The following CDS1 variants were observed in gnomAD, a reference collection of about 807,000 sequenced individuals.
The protein encoded by CDS1 is CDP-diacylglycerol synthase 1, also known as phosphatidate cytidylyltransferase 1.
CDS1 carries 41 observed loss-of-function variants against 62.1 expected under a neutral mutation model. That is an observed-to-expected ratio of 0.66 (90% CI 0.51 to 0.86). The LOEUF (loss-of-function observed/expected upper bound fraction) is 0.86, where lower values mean the gene tolerates loss of function less well. CDS1 is among the 40% of genes least tolerant of loss of function. The pLI is 0.00. For synonymous variants in CDS1, 185 were observed against 192.6 expected (o/e 0.96, Z 0.32); for missense variants, 470 against 550.1 (o/e 0.85, Z 1.46).
intron 2 of CDS1, among the ~76,000 whole-genome samples, chr4:84,604,978 C>T (rs1450388494): frequency 1.3e-5 from 2 of 152,094 alleles, no homozygotes; most frequent in Non-Finnish European, 2.9e-5. Flanking sequence ...CAATCCATTA[C>T]CATTTTATAT....
At chr4:84,600,701 T>A (rs957408795) in intron 1 of CDS1, among the ~76,000 whole-genome samples, 3 of 152,252 alleles carry the variant, frequency 2.0e-5, no homozygotes, top group African/African-American at 7.2e-5. Context: ...ATAAGAACTC[T>A]TGAAAACAGG....
chr4:84,641,258 G>A (rs1390819450), intron 10 of CDS1, among the ~76,000 whole-genome samples: 1 of 152,102 alleles, frequency 6.6e-6, no homozygotes, highest in Non-Finnish European at 1.5e-5. Context: ...GTAGAGACGG[G>A]TGTTGCTATG....
chr4:84,592,060 G>A (rs1722605241), intron 1 of CDS1, among the ~76,000 whole-genome samples: 1 of 150,690 alleles, frequency 6.6e-6, no homozygotes, highest in Admixed American at 6.6e-5. Flanking sequence ...TACTTTATTT[G>A]GTTGAGAAAT....
At chr4:84,616,240 C>T (rs1307079353) in intron 3 of CDS1, among the ~76,000 whole-genome samples, 1 of 152,152 alleles carries the variant, frequency 6.6e-6, no homozygotes, top group Non-Finnish European at 1.5e-5. Context: ...ACTTAGATTT[C>T]CTCCTGTCTT....
At chr4:84,635,501 T>C in intron 8 of CDS1, 150 bp downstream of exon 8, 1 of 666,554 alleles carries the variant, frequency 1.5e-6, no homozygotes, top group Non-Finnish European at 2.6e-6. Flanking sequence ...GCAAACCATA[T>C]TTCTCAGTAC....
chr4:84,591,576 AT>A (rs1722592326), intron 1 of CDS1, among the ~76,000 whole-genome samples: 1 of 152,164 alleles, frequency 6.6e-6, no homozygotes, highest in South Asian at 2.1e-4. Context: ...ATATAAACTA[AT>A]TTTTTAGTGC....
At position 84,583,528 on chromosome 4, in the gene CDS1, G is replaced by T. The variant is rs1343185252; in HGVS notation, c.117+10G>T. The T allele has an allele frequency of 1.8e-5, 27 of 1,471,692 alleles. No homozygotes were observed. Among genetic ancestry groups the T allele is most frequent in the African/African-American group, 2.9e-5 (2 of 68,088 alleles). 91.2% of individuals were successfully genotyped at this position (1,471,692 alleles called of 1,614,324 possible). A position where few individuals can be genotyped will look rare whatever the true frequency, so the allele number is the denominator to read the frequency against. ...GAGCACCAGCGACAAAGTAAGTGGA[G>T]CCGAGAGAGGCGGACGCCGCGCCCT... is the stretch of plus-strand genomic sequence containing the variant. On this transcript the variant is annotated intron_variant, in intron 1 of 12. Transcript: ENST00000295887.
chr4:84,584,456 G>A (rs1455677048), intron 1 of CDS1, among the ~76,000 whole-genome samples: 1 of 152,192 alleles, frequency 6.6e-6, no homozygotes, highest in African/African-American at 2.4e-5. Flanking sequence ...TTGGAAGCAG[G>A]CATTGCAGTT....
At chr4:84,590,291 T>A (rs1258247016) in intron 1 of CDS1, among the ~76,000 whole-genome samples, 1 of 152,244 alleles carries the variant, frequency 6.6e-6, no homozygotes, top group Non-Finnish European at 1.5e-5. Context: ...TAGAAATTCT[T>A]GTAAACATCA....
At chr4:84,643,631 T>C (rs1252328165) in intron 11 of CDS1, among the ~76,000 whole-genome samples, 2 of 152,220 alleles carry the variant, frequency 1.3e-5, no homozygotes, top group Non-Finnish European at 2.9e-5. Context: ...TTCTCAACCC[T>C]GAACCCTGCT....
At chr4:84,636,308 A>G (rs1367126401) in intron 8 of CDS1, among the ~76,000 whole-genome samples, 1 of 152,228 alleles carries the variant, frequency 6.6e-6, no homozygotes, top group Non-Finnish European at 1.5e-5. Flanking sequence ...AAATACTAAT[A>G]AAATACAAGT....
At chr4:84,636,311 A>G (rs1724209261) in intron 8 of CDS1, among the ~76,000 whole-genome samples, 1 of 152,202 alleles carries the variant, frequency 6.6e-6, no homozygotes, top group Non-Finnish European at 1.5e-5. Flanking sequence ...TACTAATAAA[A>G]TACAAGTAAT....
At chr4:84,604,756 A>G (rs1723039958) in intron 2 of CDS1, among the ~76,000 whole-genome samples, 1 of 152,162 alleles carries the variant, frequency 6.6e-6, no homozygotes, top group African/African-American at 2.4e-5. Flanking sequence ...CCAGACAGAA[A>G]TAGGTATTTT....
chr4:84,640,003 C>A (rs1269351575), intron 9 of CDS1, among the ~76,000 whole-genome samples: 1 of 151,194 alleles, frequency 6.6e-6, no homozygotes, highest in East Asian at 1.9e-4. Flanking sequence ...TTGTTATTAT[C>A]AAAGACTAAC....
chr4:84,640,839 C>A lies in CDS1; in HGVS notation c.881C>A (p.Ala294Asp). 1 of 1,551,312 alleles carries A rather than the reference C, an allele frequency of 6.4e-7. No homozygotes were observed. Among genetic ancestry groups the A allele is most frequent in the Non-Finnish European group, 8.7e-7 (1 of 1,150,716 alleles). ...FFSTVVFGFI[A>D]AYVLSKYQYF... ...GTTTTGTTTTGTTTTTAATATCAGGCTGCCTATGTGTTATCCAAATACCAG... is the reference window on the plus strand; with the variant it reads ...GTTTTGTTTTGTTTTTAATATCAGGATGCCTATGTGTTATCCAAATACCAG... Residue 294 changes from alanine to aspartate, a missense_variant and splice_region_variant, in exon 10 of 13, where the codon GCT (alanine) becomes GAT (aspartate). Physicochemically the swap from Ala to Asp is moderately radical, Grantham distance 126. This residue lies in a region of CDS1 where 214 missense variants were observed against 242.4 expected (regional missense o/e 0.88). Coordinates refer to ENST00000295887, the MANE Select transcript of CDS1 (RefSeq NM_001263.4).
chr4:84,615,120 A>G (rs545268535), intron 3 of CDS1, among the ~76,000 whole-genome samples: 1 of 152,146 alleles, frequency 6.6e-6, no homozygotes, highest in African/African-American at 2.4e-5. Context: ...AGTTGACCCA[A>G]TTTGTATAAT....
At chr4:84,609,633 G>A (rs1723253818) in intron 3 of CDS1, 108 bp downstream of exon 3, 7 of 684,732 alleles carry the variant, frequency 1.0e-5, no homozygotes, top group Non-Finnish European at 1.8e-5. Flanking sequence ...TCAACACTCA[G>A]TCACAGAATA....
intron 9 of CDS1, 78 bp from the exon 10 acceptor site, chr4:84,640,760 A>G: frequency 8.6e-7 from 1 of 1,167,906 alleles, no homozygotes; most frequent in Non-Finnish European, 1.1e-6. Flanking sequence ...TGTATAACTT[A>G]AAAGATATAT....
At chr4:84,585,585 A>G (rs1205747946) in intron 1 of CDS1, among the ~76,000 whole-genome samples, 1 of 152,224 alleles carries the variant, frequency 6.6e-6, no homozygotes, top group Admixed American at 6.5e-5. Flanking sequence ...CAGTAAAGGC[A>G]AAACTCTTGG....
Sources: gnomAD v4.1 joint callset for allele counts (sites outside exome capture counted in the v4.1 genomes callset) on GRCh38, gnomAD v4.1.1 for gene constraint, gnomAD v4.1.1 regional missense constraint, MANE v1.5 for transcripts, NCBI Gene and HGNC (gene_info 2026-07-23, HGNC 2026-07-21) for gene names.